The following DCUN1D4 variants were observed in gnomAD, a reference collection of about 807,000 sequenced individuals.
The protein encoded by DCUN1D4 is DCN1-like protein 4.
Under a neutral mutation model 47.9 loss-of-function variants are expected in DCUN1D4, and 22 were observed. That is an observed-to-expected ratio of 0.46 (90% confidence interval 0.33 to 0.66). The LOEUF (loss-of-function observed/expected upper bound fraction) is 0.66. Among genes scored for constraint, DCUN1D4 ranks in the 30% least tolerant of loss-of-function variants. The probability of loss-of-function intolerance (pLI) is 0.02; values close to 1 mark genes in which losing one functional copy is unlikely to be tolerated. For synonymous variants in DCUN1D4, 121 were observed against 112.2 expected (o/e 1.08, Z -0.50); for missense variants, 301 against 340.8 (o/e 0.88, Z 0.92).
upstream of DCUN1D4, among the ~76,000 whole-genome samples, chr4:51,840,505 T>G (rs1046731807): frequency 5.3e-5 from 8 of 152,226 alleles, no homozygotes; most frequent in African/African-American, 1.9e-4. Context: ...ACTAGCCAAG[T>G]GACTCAGATT....
intron 3 of DCUN1D4, among the ~76,000 whole-genome samples, chr4:51,867,968 C>T (rs1220604595): frequency 6.6e-6 from 1 of 152,260 alleles, no homozygotes; most frequent in Admixed American, 6.5e-5. Flanking sequence ...CGGCTTCCCC[C>T]TCGTGCTTGT....
intron 7 of DCUN1D4, among the ~76,000 whole-genome samples, chr4:51,897,165 A>T (rs1013906003): frequency 6.6e-6 from 1 of 152,212 alleles, no homozygotes; most frequent in African/African-American, 2.4e-5. Flanking sequence ...CCGACTCTAA[A>T]ATAGCCTAAT....
rs1577805152 is a variant in DCUN1D4 at position 51,844,408 on chromosome 4, T to C, written c.25+1141T>C. On this transcript the variant is annotated intron_variant, in intron 1 of 10. Coordinates refer to ENST00000334635, the MANE Select transcript of DCUN1D4 (RefSeq NM_001040402.3). ...GGACGGCGGGAAGCGAGGTCAGCGCTGGCGCGGGCTCCGGCAGCGGGACTA... is the reference window on the plus strand; with the variant it reads ...GGACGGCGGGAAGCGAGGTCAGCGCCGGCGCGGGCTCCGGCAGCGGGACTA... The C allele has an allele frequency of 3.1e-6, 3 of 980,680 alleles. No homozygotes were observed. The South Asian group carries it at 1.4e-4, about 46-fold the overall frequency. The allele number at this position is 980,680 out of a possible 1,614,324, so 60.7% of individuals were successfully genotyped here.
Position 51,884,224 on chromosome 4 carries a change from G to A in DCUN1D4, c.344-2344G>A, listed in dbSNP as rs549092637. 12 of 152,248 alleles carry A rather than the reference G, an allele frequency of 7.9e-5. No individual in the cohort carries two copies. The South Asian group carries it at 2.5e-3, about 32-fold the overall frequency. 9.4% of individuals were successfully genotyped at this position (152,248 alleles called of 1,614,324 possible). ...AGTTTGAACTTTAGGGGGAGCCAAG[G>A]ATTTGAAGCAGAAAAATGACGTAAG... On this transcript the variant is annotated intron_variant, in intron 5 of 10. Transcript: ENST00000334635.
At chr4:51,860,971 A>T (rs749499064) in intron 1 of DCUN1D4, among the ~76,000 whole-genome samples, 8 of 152,182 alleles carry the variant, frequency 5.3e-5, no homozygotes, top group Non-Finnish European at 7.3e-5. Context: ...ACTATTTTAG[A>T]CAGCTGTGTG....
chr4:51,879,146 T>C (rs1728140220), intron 5 of DCUN1D4, among the ~76,000 whole-genome samples: 1 of 152,218 alleles, frequency 6.6e-6, no homozygotes, highest in African/African-American at 2.4e-5. Context: ...TTCTCTGTCA[T>C]TTCTTTAATG....
intron 5 of DCUN1D4, among the ~76,000 whole-genome samples, chr4:51,885,870 C>G (rs1312963187): frequency 6.6e-6 from 1 of 152,136 alleles, no homozygotes; most frequent in Non-Finnish European, 1.5e-5. Flanking sequence ...AAAAGAACTG[C>G]TTCAGATTTT....
chr4:51,896,506 C>G (rs1039725256), intron 7 of DCUN1D4, among the ~76,000 whole-genome samples: 2 of 152,090 alleles, frequency 1.3e-5, no homozygotes, highest in Non-Finnish European at 2.9e-5. Flanking sequence ...GAACAGGGAC[C>G]TCGACCTTAT....
At chr4:51,848,452 T>G (rs1722888720) in intron 1 of DCUN1D4, 4 of 948,792 alleles carry the variant, frequency 4.2e-6, no homozygotes, top group Admixed American at 5.5e-5. Flanking sequence ...GATTTATTTC[T>G]TAAGTTAACA....
intron 1 of DCUN1D4, among the ~76,000 whole-genome samples, chr4:51,856,458 A>T (rs958002161): frequency 1.1e-4 from 16 of 152,058 alleles, no homozygotes; most frequent in South Asian, 6.2e-4. Flanking sequence ...CAGTTTTAAA[A>T]TTTTTTTCTT....
intron 8 of DCUN1D4, among the ~76,000 whole-genome samples, chr4:51,902,636 A>T (rs898644817): frequency 4.6e-5 from 7 of 151,878 alleles, no homozygotes; most frequent in Admixed American, 1.3e-4. Flanking sequence ...TTGTTTCTTT[A>T]TGTTTAAAGT....
intron 1 of DCUN1D4, chr4:51,843,606 G>T: frequency 7.9e-7 from 1 of 1,262,054 alleles, no homozygotes; most frequent in African/African-American, 1.6e-5. Flanking sequence ...AGGCAGCGTT[G>T]GGCTGTAGCG....
At chr4:51,844,964 C>G in intron 1 of DCUN1D4, 1 of 985,444 alleles carries the variant, frequency 1.0e-6, no homozygotes, top group Non-Finnish European at 1.2e-6. Context: ...GAGCGACTCC[C>G]CAGCCCTTCT....
At chr4:51,852,633 T>A (rs1035588029) in intron 1 of DCUN1D4, among the ~76,000 whole-genome samples, 1 of 152,226 alleles carries the variant, frequency 6.6e-6, no homozygotes, top group South Asian at 2.1e-4. Context: ...TCTGTCTCAG[T>A]GTCTTCTACG....
intron 6 of DCUN1D4, 45 bp downstream of exon 6, chr4:51,886,683 C>T (rs1464753428): frequency 6.8e-7 from 1 of 1,470,120 alleles, no homozygotes; most frequent in Non-Finnish European, 9.5e-7. Context: ...GGTTGTTTTT[C>T]ATACTTAAAT....
At chr4:51,844,871 A>C (rs1468175763) in intron 1 of DCUN1D4, 6 of 984,720 alleles carry the variant, frequency 6.1e-6, no homozygotes, top group African/African-American at 3.5e-5. Flanking sequence ...GCGCCCTTGG[A>C]GCCTTCCTGC....
intron 3 of DCUN1D4, 117 bp downstream of exon 3, chr4:51,863,826 T>G: frequency 9.3e-7 from 1 of 1,079,928 alleles, no homozygotes; most frequent in East Asian, 2.7e-5. Flanking sequence ...AAATTGTTCC[T>G]TGGCTGAGGT....
At chr4:51,851,997 C>T (rs1203437327) in intron 1 of DCUN1D4, among the ~76,000 whole-genome samples, 1 of 152,208 alleles carries the variant, frequency 6.6e-6, no homozygotes, top group Non-Finnish European at 1.5e-5. Context: ...CTGATTGGAA[C>T]ACTGCATGTA....
chr4:51,907,347 T>A (rs1297039198), intron 8 of DCUN1D4, among the ~76,000 whole-genome samples: 1 of 152,254 alleles, frequency 6.6e-6, no homozygotes, highest in African/African-American at 2.4e-5. Context: ...TATTTTGCTG[T>A]ATTTTTGGTT....
Sources: gnomAD v4.1 joint callset for allele counts (sites outside exome capture counted in the v4.1 genomes callset) on GRCh38, gnomAD v4.1.1 for gene constraint, MANE v1.5 for transcripts, NCBI Gene and HGNC (gene_info 2026-07-23, HGNC 2026-07-21) for gene names.